The following NEMF variants were observed in gnomAD, a reference collection of about 807,000 sequenced individuals.
The protein encoded by NEMF is nuclear export mediator factor, also known as ribosome quality control complex subunit NEMF.
In NEMF, 89 loss-of-function variants were observed where a neutral mutation model predicts 162.2. The ratio of observed to expected loss-of-function variants is 0.55; its 90% CI spans 0.46 to 0.65. The LOEUF (loss-of-function observed/expected upper bound fraction) is 0.65, where lower values mean the gene tolerates loss of function less well. Ranked by LOEUF, NEMF falls within the 30% of genes least tolerant of loss-of-function variation. The probability of loss-of-function intolerance (pLI) is 0.00; values close to 1 mark genes in which losing one functional copy is unlikely to be tolerated. For missense variants in NEMF, 1,133 were observed against 1,261.9 expected, an observed-to-expected ratio of 0.90 and a Z score of 1.55; for synonymous variants, 421 against 404.5, an observed-to-expected ratio of 1.04 and a Z score of -0.49.
chr14:49,782,491 T>A lies in NEMF; in HGVS notation c.*2145A>T, dbSNP rs1889952155. On this transcript the variant is annotated 3_prime_UTR_variant, in exon 33 of 33. Coordinates refer to ENST00000298310, the MANE Select transcript of NEMF (RefSeq NM_004713.6). Reference sequence around the variant, plus strand: ...ACTACCTTCACATTATTACTGAAACTTACTTGCAAAGCATTTGCTTTTAAA... The same window carrying A: ...ACTACCTTCACATTATTACTGAAACATACTTGCAAAGCATTTGCTTTTAAA... The A allele has an allele frequency of 6.3e-7, 1 of 1,597,524 alleles. No individual in the cohort carries two copies. The highest frequency in any genetic ancestry group is 2.2e-5 in the East Asian group (1 of 44,748).
intron 28 of NEMF, 137 bp downstream of exon 28, chr14:49,789,009 G>T: frequency 1.4e-6 from 1 of 704,090 alleles, no homozygotes; most frequent in South Asian, 1.8e-5. Flanking sequence ...CTTTCAGGTT[G>T]TATTTCTGGA....
chr14:49,835,867 G>A (rs1466683953), intron 6 of NEMF, among the ~76,000 whole-genome samples: 3 of 152,134 alleles, frequency 2.0e-5, no homozygotes, highest in African/African-American at 7.2e-5. Flanking sequence ...ATGCAAAAAT[G>A]AAATTAAGAA....
At chr14:49,795,976 C>T (rs1890676047) in intron 25 of NEMF, 32 bp from the exon 26 acceptor site, 1 of 1,561,836 alleles carries the variant, frequency 6.4e-7, no homozygotes, top group Non-Finnish European at 8.7e-7. Flanking sequence ...ACATTTCATT[C>T]TTAGAATTTG....
At position 49,803,908 on chromosome 14, in the gene NEMF, G is replaced by C. The variant is rs1891069581; in HGVS notation, c.1858-614C>G. 1.3e-5 allele frequency among the ~76,000 whole-genome samples: 2 copies of C among 151,988 alleles called. 1 individual carries two copies. The highest frequency in any genetic ancestry group is 4.1e-4 in the South Asian group (2 of 4,830). On this transcript the variant is annotated intron_variant, in intron 19 of 32. Transcript: ENST00000298310. ...AGATGTAATGAGAAAACTAAGGATA[G>C]GTTAATGAGCTTATCATAAAGCTAT...
intron 16 of NEMF, among the ~76,000 whole-genome samples, chr14:49,821,702 G>A (rs1157749459): frequency 3.0e-5 from 4 of 132,960 alleles, no homozygotes; most frequent in Admixed American, 7.4e-5. Context: ...TCAGCCCCCC[G>A]CCCGGCCAGC....
intron 17 of NEMF, among the ~76,000 whole-genome samples, 154 bp downstream of exon 17, chr14:49,814,600 C>T (rs190065137): frequency 1.3e-5 from 2 of 152,326 alleles, no homozygotes; most frequent in African/African-American, 4.8e-5. Flanking sequence ...CATCAAAACA[C>T]ATATGCAACA....
At chr14:49,843,203 T>C (rs1207959855) in intron 4 of NEMF, among the ~76,000 whole-genome samples, 1 of 151,638 alleles carries the variant, frequency 6.6e-6, no homozygotes, top group South Asian at 2.1e-4. Context: ...CATTATATAT[T>C]GAATAAAAGA....
intron 18 of NEMF, among the ~76,000 whole-genome samples, chr14:49,812,104 G>A (rs557538710): frequency 3.3e-5 from 5 of 152,066 alleles, no homozygotes; most frequent in Admixed American, 2.0e-4. Flanking sequence ...TGTACTTACA[G>A]GTTTATTTCA....
intron 28 of NEMF, chr14:49,787,216 G>C (rs1011556107): frequency 1.2e-5 from 2 of 162,956 alleles, no homozygotes; most frequent in Non-Finnish European, 2.7e-5. Context: ...GTTTGCTTAA[G>C]AAAAATCTAT....
intron 16 of NEMF, among the ~76,000 whole-genome samples, chr14:49,825,643 G>T (rs1892300010): frequency 6.6e-6 from 1 of 152,202 alleles, no homozygotes; most frequent in African/African-American, 2.4e-5. Flanking sequence ...GGCTGAGGTG[G>T]GAGAACTGTC....
rs759519377 is a variant in NEMF at position 49,785,279 on chromosome 14, T to A, written c.2970A>T (p.Glu990Asp). The A allele has an allele frequency of 3.1e-6, 5 of 1,613,990 alleles. No individual in the cohort carries two copies. The highest frequency in any genetic ancestry group is 4.2e-6 in the Non-Finnish European group (5 of 1,179,868). ...FDSLTGQPHPEDVLLFAIPIC... is the reference protein window; with the variant it reads ...FDSLTGQPHPDDVLLFAIPIC... The stretch of plus-strand genomic sequence containing the variant: ...TTGGAATGGCAAACAGTAGTACATC[T>A]TCAGGATGTGGCTGGCCTGTCAAAG... Residue 990 changes from glutamate (E) to aspartate (D), a missense_variant, in exon 30 of 33, where the codon GAA (glutamate) becomes GAT (aspartate). Glu to Asp is a conservative substitution (Grantham distance 45). Coordinates refer to ENST00000298310, the MANE Select transcript of NEMF (RefSeq NM_004713.6).
intron 6 of NEMF, among the ~76,000 whole-genome samples, chr14:49,835,459 T>C (rs1310041386): frequency 6.6e-6 from 1 of 152,086 alleles, no homozygotes; most frequent in African/African-American, 2.4e-5. Context: ...TTTGACAAAA[T>C]TCAACACTAA....
In NEMF at chr14:49,799,698, G is replaced by C. The variant is rs1482497020; in HGVS notation, c.2373-20C>G. The C allele has an allele frequency of 3.1e-6, 5 of 1,601,796 alleles. No homozygotes were observed. In the East Asian group the frequency reaches 8.9e-5, roughly 29 times the overall value. ...ATGGACCTATGAAAATAAACACAAG[G>C]GAGTCTCTACTAGCCTGTAAAAGAC... is the stretch of plus-strand genomic sequence containing the variant. On this transcript the variant is annotated intron_variant, in intron 23 of 32. Coordinates refer to ENST00000298310, the MANE Select transcript of NEMF (RefSeq NM_004713.6).
At chr14:49,804,346 G>A (rs1053808199) in intron 19 of NEMF, among the ~76,000 whole-genome samples, 1 of 151,934 alleles carries the variant, frequency 6.6e-6, no homozygotes, top group Non-Finnish European at 1.5e-5. Context: ...ATCCTATTTT[G>A]GCAAAACAGA....
chr14:49,844,591 T>C (rs546001104), intron 4 of NEMF, among the ~76,000 whole-genome samples: 187 of 152,294 alleles, frequency 1.2e-3, no homozygotes, highest in Non-Finnish European at 2.4e-3. Flanking sequence ...TGCATACTAC[T>C]GTAGACTTGA....
chr14:49,803,125 A>G (rs1209059488), intron 20 of NEMF, 112 bp downstream of exon 20: 1 of 819,466 alleles, frequency 1.2e-6, no homozygotes. Flanking sequence ...CAGACTTCAC[A>G]TAGGAAATCC....
At chr14:49,830,033 T>C (rs1473825880) in intron 11 of NEMF, among the ~76,000 whole-genome samples, 2 of 152,268 alleles carry the variant, frequency 1.3e-5, no homozygotes, top group Non-Finnish European at 1.5e-5. Context: ...CAAAGGCTCA[T>C]GGTAGTTATT....
At chr14:49,831,270 G>A in intron 11 of NEMF, 29 bp downstream of exon 11, 1 of 1,287,528 alleles carries the variant, frequency 7.8e-7, no homozygotes, top group South Asian at 1.2e-5. Flanking sequence ...AGACTAGCTG[G>A]TTTAATATGT....
chr14:49,851,567 A>G lies in NEMF; in HGVS notation c.227T>C (p.Met76Thr). Reference protein sequence around the residue: ...PKNMMPSSFAMKCRKHLKSRR... With the variant: ...PKNMMPSSFATKCRKHLKSRR... The stretch of plus-strand genomic sequence containing the variant: ...CTTCAAGCGTAACAAGTTTACCTTC[A>G]TGGCAAAACTAGACGGCATCATATT... The change falls in exon 3 of 33, where the codon ATG becomes ACG. Residue 76 changes from methionine (M) to threonine (T), a missense_variant. Met to Thr is a moderately conservative substitution (Grantham distance 81). Around this residue, in one of 3 missense-constraint regions of NEMF, gnomAD observed 582 missense variants for 631.5 expected, o/e 0.92. Coordinates refer to ENST00000298310, the MANE Select transcript of NEMF (RefSeq NM_004713.6). 10 of 1,608,800 alleles carry G rather than the reference A, an allele frequency of 6.2e-6. No individual in the cohort carries two copies. The highest frequency in any genetic ancestry group is 8.5e-6 in the Non-Finnish European group (10 of 1,175,750).
Sources: allele counts gnomAD v4.1 joint callset (sites outside exome capture counted in the v4.1 genomes callset), GRCh38; gene constraint gnomAD v4.1.1; regional missense constraint gnomAD v4.1.1; transcripts MANE v1.5; gene names NCBI Gene and HGNC (gene_info 2026-07-23, HGNC 2026-07-21).